The following ELAVL1 variants were observed in gnomAD, a reference collection of about 807,000 sequenced individuals.
ELAVL1 encodes ELAV-like protein 1.
In ELAVL1, 1 loss-of-function variant was observed where a neutral mutation model predicts 28.4. That is an observed-to-expected ratio of 0.04 (90% CI 0.01 to 0.17). The LOEUF (loss-of-function observed/expected upper bound fraction) is 0.17, where lower values mean the gene tolerates loss of function less well. Among genes scored for constraint, ELAVL1 ranks in the 10% least tolerant of loss-of-function variants. ELAVL1 has a pLI of 1.00. For missense variants in ELAVL1, 157 were observed against 447.2 expected (o/e 0.35, Z 5.85); for synonymous variants, 174 against 183.5 (o/e 0.95, Z 0.42).
At chr19:7,986,890 G>C (rs1985616262) in intron 2 of ELAVL1, among the ~76,000 whole-genome samples, 1 of 152,148 alleles carries the variant, frequency 6.6e-6, no homozygotes, top group Admixed American at 6.5e-5. Context: ...AAAATCATTT[G>C]GAGGGACATG....
At chr19:7,965,367 C>T (rs539946181) in intron 5 of ELAVL1, among the ~76,000 whole-genome samples, 8 of 152,330 alleles carry the variant, frequency 5.3e-5, no homozygotes, top group East Asian at 3.9e-4. Flanking sequence ...TGAGTCAATG[C>T]GCCCGGCCTT....
intron 2 of ELAVL1, among the ~76,000 whole-genome samples, chr19:7,989,570 G>C (rs1465549348): frequency 1.3e-5 from 2 of 152,224 alleles, no homozygotes; most frequent in Non-Finnish European, 2.9e-5. Flanking sequence ...AATTCCATGG[G>C]AATGCTTGCA....
intron 3 of ELAVL1, among the ~76,000 whole-genome samples, chr19:7,974,283 G>A (rs8105661): frequency 0.15 from 23,015 of 152,306 alleles, 2,150 homozygotes; most frequent in Non-Finnish European, 0.21. Context: ...TGGGAACACA[G>A]GAGACTCCCC....
intron 1 of ELAVL1, among the ~76,000 whole-genome samples, chr19:8,000,987 C>T (rs1005489836): frequency 6.6e-6 from 1 of 152,226 alleles, no homozygotes; most frequent in Non-Finnish European, 1.5e-5. Context: ...AGGAAAAAAC[C>T]CTGAGCTCTG....
rs1177560905 is a variant in ELAVL1, at chr19:7,982,984, G to C, written c.173-1798C>G. Among the ~76,000 whole-genome samples, 2 of 152,202 alleles carry C rather than the reference G, an allele frequency of 1.3e-5. No individual in the cohort carries two copies. The highest frequency in any genetic ancestry group is 2.9e-5 in the Non-Finnish European group (2 of 68,042). ...CGTGATCACTGGGCCGAGGCAGTCA[G>C]TTTGCCAGGTTTCTTGGCTGTAAAG... On this transcript the variant is annotated intron_variant, in intron 2 of 5. Transcript: ENST00000407627. This position sits in a 1 kb window ranked among gnomAD's most constrained non-coding sequence, Gnocchi z 4.3.
chr19:7,968,011 T>A (rs1985000249), intron 4 of ELAVL1, among the ~76,000 whole-genome samples: 1 of 152,322 alleles, frequency 6.6e-6, no homozygotes, highest in East Asian at 1.9e-4. Flanking sequence ...GCTGAAGCCA[T>A]GACTCCACAG....
chr19:7,975,186 C>T (rs1433062383), intron 3 of ELAVL1, among the ~76,000 whole-genome samples: 1 of 152,218 alleles, frequency 6.6e-6, no homozygotes, highest in Non-Finnish European at 1.5e-5. Context: ...AAGAGGCTGC[C>T]TTGGCCCCCA....
Position 7,963,797 on chromosome 19 carries a change from T to C in ELAVL1, c.667A>G (p.Met223Val). ...HQAQRFRFSP[M>V]GVDHMSGLSG... ...AGCCCGCTCATGTGATCGACGCCCA[T>C]GGGGGAGAACCTGGCAGACAGAGAG... Residue 223 changes from methionine (M) to valine (V), a missense_variant, in exon 6 of 6, where the codon ATG (methionine) becomes GTG (valine). By Grantham distance (21) the Met-to-Val change is conservative (BLOSUM62 1). This residue lies in a region of ELAVL1 where 107 missense variants were observed against 310.4 expected (regional missense o/e 0.34). Coordinates refer to ENST00000407627, the MANE Select transcript of ELAVL1 (RefSeq NM_001419.3). The surrounding 1 kb of genome is among the most constrained non-coding windows in gnomAD (Gnocchi z 4.5). The C allele has an allele frequency of 6.2e-7, 1 of 1,613,514 alleles. No homozygotes were observed. The highest frequency in any genetic ancestry group is 8.5e-7 in the Non-Finnish European group (1 of 1,179,502).
intron 1 of ELAVL1, among the ~76,000 whole-genome samples, chr19:8,003,885 T>C (rs1397582288): frequency 6.6e-6 from 1 of 152,114 alleles, no homozygotes; most frequent in Non-Finnish European, 1.5e-5. Context: ...GCACAGAACT[T>C]TGCACACAGA....
Position 7,960,776 on chromosome 19 carries a change from T to G in ELAVL1, c.*2707A>C. ...CATTTTTGCTAAATAGAAATACAAC[T>G]GATCTATGTAAAATTTTTTAAGAAA... is the stretch of plus-strand genomic sequence containing the variant. On this transcript the variant is annotated 3_prime_UTR_variant, in exon 6 of 6. Transcript: ENST00000407627. 1 of 152,552 alleles carries G rather than the reference T, an allele frequency of 6.6e-6. No individual in the cohort carries two copies. The highest frequency in any genetic ancestry group is 1.9e-4 in the East Asian group (1 of 5,200). The allele number at this position is 152,552 out of a possible 1,614,324, so 9.4% of individuals were successfully genotyped here.
At chr19:8,003,355 C>CAAAAAAAAAAAAAAA (rs71165248) in intron 1 of ELAVL1, among the ~76,000 whole-genome samples, 1 of 61,098 alleles carries the variant, frequency 1.6e-5, no homozygotes, top group African/African-American at 7.2e-5. Flanking sequence ...GAAACTGTCT[C>CAAAAAAAAAAAAAAA]AAAAAAAAAA....
intron 3 of ELAVL1, among the ~76,000 whole-genome samples, chr19:7,980,424 G>C (rs1225381110): frequency 6.6e-6 from 1 of 152,194 alleles, no homozygotes; most frequent in Non-Finnish European, 1.5e-5. Context: ...GTGGGGCTCG[G>C]GGTTGACAGC....
At chr19:7,965,458 T>C (rs1984933003) in intron 5 of ELAVL1, among the ~76,000 whole-genome samples, 1 of 152,148 alleles carries the variant, frequency 6.6e-6, no homozygotes, top group Non-Finnish European at 1.5e-5. Context: ...CCTCTCTTCC[T>C]CCAACCCAAT....
chr19:8,003,030 A>G (rs1197160312), intron 1 of ELAVL1, among the ~76,000 whole-genome samples: 2 of 152,202 alleles, frequency 1.3e-5, no homozygotes, highest in East Asian at 3.8e-4. Context: ...TGGGAAGCGG[A>G]GAGTGAGAGA....
intron 2 of ELAVL1, among the ~76,000 whole-genome samples, chr19:7,987,990 G>C (rs1393218076): frequency 6.6e-6 from 1 of 152,240 alleles, no homozygotes; most frequent in Admixed American, 6.5e-5. Context: ...CTCTGCTGCA[G>C]TGAGGACAGT....
rs201805880 is a variant in ELAVL1 at position 7,964,047 on chromosome 19, AC to A, written c.657-241del. On this transcript the variant is annotated intron_variant, in intron 5 of 5. Coordinates refer to ENST00000407627, the MANE Select transcript of ELAVL1 (RefSeq NM_001419.3). ...TCTGAGGGGCTGGTTGGTGCCCTCCACTCCTCCCACTGTGTATGTCGGGGTT... is the reference window on the plus strand; with the variant it reads ...TCTGAGGGGCTGGTTGGTGCCCTCCATCCTCCCACTGTGTATGTCGGGGTT... Among the ~76,000 whole-genome samples the A allele has an allele frequency of 8.4e-3, 1,271 of 151,212 alleles. 17 individuals are homozygous for A. The highest frequency in any genetic ancestry group is 0.029 in the African/African-American group (1,202 of 41,186).
chr19:7,986,079 G>A (rs754417308), intron 2 of ELAVL1, among the ~76,000 whole-genome samples: 10 of 152,376 alleles, frequency 6.6e-5, no homozygotes, highest in Non-Finnish European at 1.3e-4. Context: ...CTCTTTGGAT[G>A]AGGGTTAAGA....
At chr19:7,995,877 T>C (rs1194646270) in intron 1 of ELAVL1, among the ~76,000 whole-genome samples, 1 of 151,188 alleles carries the variant, frequency 6.6e-6, no homozygotes, top group Non-Finnish European at 1.5e-5. Flanking sequence ...ATCCACCAAC[T>C]GGAGTAAACA....
intron 2 of ELAVL1, among the ~76,000 whole-genome samples, chr19:7,986,269 C>T (rs751115625): frequency 3.9e-5 from 6 of 152,172 alleles, no homozygotes; most frequent in Non-Finnish European, 8.8e-5. Flanking sequence ...TCTTTAAAGG[C>T]TCAAGGGAAG....
Sources: gnomAD v4.1 joint callset for allele counts (sites outside exome capture counted in the v4.1 genomes callset) on GRCh38, gnomAD v4.1.1 for gene constraint, gnomAD v4.1.1 regional missense constraint, Gnocchi (gnomAD v3.1) non-coding constraint, MANE v1.5 for transcripts, NCBI Gene and HGNC (gene_info 2026-07-23, HGNC 2026-07-21) for gene names.